The following TTC27 variants were observed in gnomAD, a reference collection of about 807,000 sequenced individuals.
The protein encoded by TTC27 is tetratricopeptide repeat protein 27.
Under a neutral mutation model 115.9 loss-of-function variants are expected in TTC27, and 79 were observed. That is an observed-to-expected ratio of 0.68 (90% confidence interval 0.57 to 0.82). The LOEUF is 0.82. Ranked by LOEUF, TTC27 falls within the 40% of genes least tolerant of loss-of-function variation. The pLI, the probability that TTC27 is intolerant of heterozygous loss-of-function variation, is 0.00. For missense variants in TTC27, 1,054 were observed against 993.1 expected (o/e 1.06, Z -0.82); for synonymous variants, 401 against 356.0 (o/e 1.13, Z -1.42).
At chr2:32,649,543 A>G (rs901717160) in intron 4 of TTC27, among the ~76,000 whole-genome samples, 5 of 150,570 alleles carry the variant, frequency 3.3e-5, no homozygotes, top group African/African-American at 1.2e-4. Flanking sequence ...GATGAATACA[A>G]CATTTTTTTT....
At chr2:32,707,436 T>C (rs1241171107) in intron 10 of TTC27, among the ~76,000 whole-genome samples, 1 of 152,196 alleles carries the variant, frequency 6.6e-6, no homozygotes, top group Non-Finnish European at 1.5e-5. Context: ...CACTGTTGCA[T>C]CGGGCACCAA....
intron 16 of TTC27, among the ~76,000 whole-genome samples, chr2:32,805,461 A>G (rs918277970): frequency 6.6e-6 from 1 of 152,168 alleles, no homozygotes; most frequent in Admixed American, 6.5e-5. Flanking sequence ...TTTTATTTGT[A>G]AAGTAGGGGT....
At chr2:32,798,927 A>G (rs1670823392) in intron 16 of TTC27, among the ~76,000 whole-genome samples, 1 of 152,190 alleles carries the variant, frequency 6.6e-6, no homozygotes, top group South Asian at 2.1e-4. Flanking sequence ...TCAAAGAGAA[A>G]TGTGTATACT....
intron 16 of TTC27, among the ~76,000 whole-genome samples, chr2:32,799,543 T>C (rs1052187471): frequency 7.2e-5 from 11 of 152,050 alleles, no homozygotes; most frequent in Admixed American, 7.2e-4. Context: ...ATAGAAAAAT[T>C]AGGAATAGGG....
chr2:32,820,507 A>G (rs3769556), intron 19 of TTC27, among the ~76,000 whole-genome samples: 97,720 of 152,078 alleles, frequency 0.64, 32,075 homozygotes, highest in African/African-American at 0.78. Context: ...CATTTTGTTT[A>G]GTTGAATTAT....
chr2:32,797,212 C>G (rs895101755), intron 16 of TTC27, among the ~76,000 whole-genome samples: 48 of 151,162 alleles, frequency 3.2e-4, no homozygotes, highest in Non-Finnish European at 6.2e-4. Flanking sequence ...CTCACACTGT[C>G]GAACAGGCTG....
intron 7 of TTC27, among the ~76,000 whole-genome samples, chr2:32,668,536 TCCTC>T (rs1196006269): frequency 2.2e-5 from 1 of 45,990 alleles, no homozygotes; most frequent in Non-Finnish European, 4.2e-5. Context: ...TTTCTTCCCT[TCCTC>T]CCTCCCTCCC....
intron 10 of TTC27, among the ~76,000 whole-genome samples, chr2:32,733,013 A>T (rs1668344349): frequency 1.3e-5 from 2 of 152,228 alleles, no homozygotes; most frequent in Admixed American, 6.5e-5. Flanking sequence ...AATGATCATG[A>T]TAATGGGGCT....
intron 9 of TTC27, among the ~76,000 whole-genome samples, chr2:32,679,923 G>A (rs57851297): frequency 0.012 from 1,771 of 152,276 alleles, 27 homozygotes; most frequent in African/African-American, 0.04. Flanking sequence ...CCCGGAAGGC[G>A]GAGGTTGCAG....
At chr2:32,679,039 G>A (rs1437545390) in intron 9 of TTC27, 117 bp downstream of exon 9, 1 of 812,344 alleles carries the variant, frequency 1.2e-6, no homozygotes, top group Non-Finnish European at 1.9e-6. Context: ...AAATAAGGTG[G>A]AGAAAAATCT....
At chr2:32,695,666 C>G (rs1666958326) in intron 9 of TTC27, among the ~76,000 whole-genome samples, 1 of 137,722 alleles carries the variant, frequency 7.3e-6, no homozygotes, top group South Asian at 2.3e-4. Context: ...TTGCAGTGAG[C>G]TGAGATCGCG....
At chr2:32,729,647 C>A (rs1362587422) in intron 10 of TTC27, among the ~76,000 whole-genome samples, 1 of 152,104 alleles carries the variant, frequency 6.6e-6, no homozygotes, top group Non-Finnish European at 1.5e-5. Context: ...AACATGAAGT[C>A]ACCTCTGGTA....
chr2:32,657,386 C>G (rs1176685320), intron 5 of TTC27, among the ~76,000 whole-genome samples: 3 of 144,364 alleles, frequency 2.1e-5, no homozygotes, highest in Non-Finnish European at 4.5e-5. Context: ...CGGAGTCTCT[C>G]TCTGTCGCCC....
chr2:32,735,402 T>C (rs554806509), intron 11 of TTC27, among the ~76,000 whole-genome samples: 1 of 152,286 alleles, frequency 6.6e-6, no homozygotes, highest in South Asian at 2.1e-4. Flanking sequence ...ACAAAATGTG[T>C]CTATTGAGGG....
intron 10 of TTC27, among the ~76,000 whole-genome samples, chr2:32,721,358 T>C (rs2151909857): frequency 6.6e-6 from 1 of 152,310 alleles, no homozygotes; most frequent in Non-Finnish European, 1.5e-5. Flanking sequence ...GTTCTAGGGA[T>C]ATCCCAGTCT....
At chr2:32,676,897 TTATA>T (rs1418704038) in intron 8 of TTC27, among the ~76,000 whole-genome samples, 3 of 151,466 alleles carry the variant, frequency 2.0e-5, no homozygotes, top group African/African-American at 7.3e-5. Flanking sequence ...ATATATCCAC[TTATA>T]TATATTCCAT....
chr2:32,819,683 G>A (rs1010221615), intron 19 of TTC27, among the ~76,000 whole-genome samples: 3 of 152,086 alleles, frequency 2.0e-5, no homozygotes, highest in Non-Finnish European at 4.4e-5. Flanking sequence ...TGCTCTCCCA[G>A]GACAGAGTGA....
chr2:32,819,631 C>T, intron 19 of TTC27, among the ~76,000 whole-genome samples: 1 of 152,112 alleles, frequency 6.6e-6, no homozygotes, highest in East Asian at 1.9e-4. Context: ...TGGAAATAAG[C>T]TCCTAGTACC....
chr2:32,749,417 T>C (rs1459968919), intron 12 of TTC27, among the ~76,000 whole-genome samples: 6 of 152,240 alleles, frequency 3.9e-5, no homozygotes, highest in Non-Finnish European at 2.9e-5. Context: ...TATTCAAGAC[T>C]ACTACAGAAC....
Sources: gnomAD v4.1 joint callset for allele counts (sites outside exome capture counted in the v4.1 genomes callset) on GRCh38, gnomAD v4.1.1 for gene constraint, MANE v1.5 for transcripts, NCBI Gene and HGNC (gene_info 2026-07-23, HGNC 2026-07-21) for gene names.